ARHGEF10L: variants seen among roughly 807,000 people sequenced by gnomAD.
The protein encoded by ARHGEF10L is rho guanine nucleotide exchange factor 10-like protein.
ARHGEF10L carries 69 observed loss-of-function variants against 141.2 expected under a neutral mutation model. The observed-to-expected ratio is 0.49, with a 90% CI of 0.40 to 0.60. ARHGEF10L has a LOEUF of 0.60. Ranked by LOEUF, ARHGEF10L falls within the 20% of genes least tolerant of loss-of-function variation. The pLI, the probability that ARHGEF10L is intolerant of heterozygous loss-of-function variation, is 0.00. For missense variants in ARHGEF10L, 1,482 were observed against 1,734.3 expected, an observed-to-expected ratio of 0.85 and a Z score of 2.58; for synonymous variants, 711 against 718.5, an observed-to-expected ratio of 0.99 and a Z score of 0.17.
chr1:17,645,228 C>T (rs771300758), intron 21 of ARHGEF10L, among the ~76,000 whole-genome samples: 11 of 152,124 alleles, frequency 7.2e-5, no homozygotes, highest in East Asian at 1.9e-4. Context: ...CAATTTTCAG[C>T]GACAGCAGTC....
the ARHGEF10L span, among the ~76,000 whole-genome samples, chr1:17,522,533 C>T: frequency 6.6e-6 from 1 of 151,890 alleles, no homozygotes; most frequent in Non-Finnish European, 1.5e-5. Context: ...AAAGCTGGCT[C>T]CTCCTCTCGG....
At chr1:17,577,040 T>C (rs1239594930) in intron 1 of ARHGEF10L, among the ~76,000 whole-genome samples, 1 of 152,196 alleles carries the variant, frequency 6.6e-6, no homozygotes, top group Non-Finnish European at 1.5e-5. Flanking sequence ...AGAATGGTTA[T>C]TGTTTATTTA....
At chr1:17,672,470 G>A (rs1481847976) in intron 26 of ARHGEF10L, among the ~76,000 whole-genome samples, 1 of 152,176 alleles carries the variant, frequency 6.6e-6, no homozygotes, top group Non-Finnish European at 1.5e-5. Flanking sequence ...CCCAGGAGCT[G>A]CCGAGGAGGA....
intron 4 of ARHGEF10L, among the ~76,000 whole-genome samples, chr1:17,591,852 T>A (rs2354288): frequency 0.37 from 56,951 of 152,042 alleles, 11,406 homozygotes; most frequent in East Asian, 0.53. Flanking sequence ...CTGGCCTGTA[T>A]TATCTTATTA....
chr1:17,623,305 G>T lies in ARHGEF10L; in HGVS notation c.1200+130G>T, dbSNP rs1394681833. 2 of 1,153,152 alleles carry T rather than the reference G, an allele frequency of 1.7e-6. No homozygotes were observed. The highest frequency in any genetic ancestry group is 2.4e-6 in the Non-Finnish European group (2 of 823,010). The allele number at this position is 1,153,152 out of a possible 1,614,324, so 71.4% of individuals were successfully genotyped here. A position where few individuals can be genotyped will look rare whatever the true frequency, so the allele number is the denominator to read the frequency against. On this transcript the variant is annotated intron_variant, in intron 12 of 28. Transcript: ENST00000361221. The surrounding 1 kb of genome is among the most constrained non-coding windows in gnomAD (Gnocchi z 4.7). The stretch of plus-strand genomic sequence containing the variant: ...TTCAAGTCAGTGGGATTAGAGGGTG[G>T]CAGGGTCTTCTGGGCCTGATCTAGG...
At chr1:17,663,200 A>G (rs146716247) in intron 25 of ARHGEF10L, among the ~76,000 whole-genome samples, 9,518 of 152,236 alleles carry the variant, frequency 0.063, 410 homozygotes, top group Middle Eastern at 0.16. Context: ...TGCTTGGGCC[A>G]GGCTCCTAGG....
At chr1:17,574,856 C>T (rs1385415316) in intron 1 of ARHGEF10L, among the ~76,000 whole-genome samples, 1 of 152,196 alleles carries the variant, frequency 6.6e-6, no homozygotes, top group Non-Finnish European at 1.5e-5. Flanking sequence ...GTTCCAGCTC[C>T]ATTGTGTGGT....
chr1:17,601,652 G>T (rs141779563), intron 4 of ARHGEF10L, among the ~76,000 whole-genome samples: 3,442 of 152,160 alleles, frequency 0.023, 142 homozygotes, highest in African/African-American at 0.079. Context: ...CACCATGTTG[G>T]CCAGGCTGGT....
intron 23 of ARHGEF10L, 149 bp from the exon 24 acceptor site, chr1:17,655,730 A>C: frequency 2.8e-6 from 2 of 712,226 alleles, no homozygotes. Context: ...GCTGGGGATA[A>C]ATGACCTTTG....
intron 21 of ARHGEF10L, among the ~76,000 whole-genome samples, chr1:17,641,623 A>AAAAAC (rs553765262): frequency 2.0e-4 from 30 of 152,152 alleles, no homozygotes; most frequent in Admixed American, 3.9e-4. Context: ...ACTCCATCTC[A>AAAAAC]AAAACAAAAC....
intron 26 of ARHGEF10L, among the ~76,000 whole-genome samples, chr1:17,687,079 C>A (rs970030183): frequency 1.3e-5 from 2 of 152,092 alleles, no homozygotes; most frequent in Admixed American, 1.3e-4. Context: ...GCCCATATTA[C>A]CCCCGTTCCT....
chr1:17,518,428 T>C, the ARHGEF10L span, among the ~76,000 whole-genome samples: 5 of 152,314 alleles, frequency 3.3e-5, no homozygotes, highest in African/African-American at 9.6e-5. Flanking sequence ...TCCTGATGTC[T>C]AGATACTTGT....
At chr1:17,620,188 C>T (rs55970715) in intron 10 of ARHGEF10L, among the ~76,000 whole-genome samples, 4 of 139,592 alleles carry the variant, frequency 2.9e-5, no homozygotes, top group Non-Finnish European at 6.1e-5. Flanking sequence ...GGTGACACAG[C>T]GAGTGAGACT....
intron 26 of ARHGEF10L, among the ~76,000 whole-genome samples, chr1:17,681,457 C>T (rs539342081): frequency 6.6e-6 from 1 of 152,366 alleles, no homozygotes; most frequent in African/African-American, 2.4e-5. Flanking sequence ...GTTTTCATGT[C>T]TCTTAAGTCT....
rs1197711490 is a variant in ARHGEF10L, at chr1:17,624,404, G to A, written c.1218G>A (p.Val406=). 6.2e-7 allele frequency: 1 copy of A among 1,614,002 alleles called. No individual in the cohort carries two copies. Among genetic ancestry groups the A allele is most frequent in the African/African-American group, 1.3e-5 (1 of 74,936 alleles). The change falls in exon 13 of 29, where the codon GTG becomes GTA. Residue 406 remains valine (V), a synonymous_variant. Transcript: ENST00000361221. ...TGTTTCAGTTTTCCAAGTCCATGGT[G>A]CTAGATGTGTACAGTGACTACGTGA... ...LFVASFSKSM[V]LDVYSDYVNN...
intron 2 of ARHGEF10L, 116 bp from the exon 3 acceptor site, chr1:17,587,344 C>T (rs1304872682): frequency 2.8e-6 from 3 of 1,064,580 alleles, no homozygotes; most frequent in Admixed American, 2.8e-5. Context: ...CTCTCATTCC[C>T]TGGCTCAGAC....
At chr1:17,674,625 C>T (rs953455944) in intron 26 of ARHGEF10L, among the ~76,000 whole-genome samples, 3 of 152,168 alleles carry the variant, frequency 2.0e-5, no homozygotes, top group African/African-American at 4.8e-5. Context: ...TGAGCTGATG[C>T]CTGTGCATGC....
chr1:17,614,172 A>T (rs1043815132), intron 8 of ARHGEF10L, among the ~76,000 whole-genome samples: 14 of 152,350 alleles, frequency 9.2e-5, no homozygotes, highest in African/African-American at 3.4e-4. Context: ...TCCATCCTGC[A>T]GTGCTGCCCG....
chr1:17,561,472 C>T (rs1237320077), intron 1 of ARHGEF10L, among the ~76,000 whole-genome samples: 1 of 152,230 alleles, frequency 6.6e-6, no homozygotes, highest in Non-Finnish European at 1.5e-5. Context: ...CCCCAATGAG[C>T]CCTCTGCAGT....
Sources: allele counts gnomAD v4.1 joint callset (sites outside exome capture counted in the v4.1 genomes callset), GRCh38; gene constraint gnomAD v4.1.1; non-coding constraint Gnocchi (gnomAD v3.1); transcripts MANE v1.5; gene names NCBI Gene and HGNC (gene_info 2026-07-23, HGNC 2026-07-21).